Variants in KLHL29 observed in about 807,000 individuals in gnomAD.
KLHL29 encodes the protein kelch-like protein 29.
In KLHL29, 21 loss-of-function variants were observed where a neutral mutation model predicts 80.4. The ratio of observed to expected loss-of-function variants is 0.26; its 90% confidence interval spans 0.19 to 0.38. KLHL29 has a LOEUF of 0.38. KLHL29 is among the 10% of genes least tolerant of loss of function. The pLI, the probability that KLHL29 is intolerant of heterozygous loss-of-function variation, is 1.00. For synonymous variants in KLHL29, 511 were observed against 526.8 expected, an observed-to-expected ratio of 0.97 and a Z score of 0.41; for missense variants, 867 against 1,223.9, an observed-to-expected ratio of 0.71 and a Z score of 4.35.
intron 2 of KLHL29, among the ~76,000 whole-genome samples, chr2:23,555,555 C>G (rs1265374148): frequency 6.6e-6 from 1 of 152,226 alleles, no homozygotes; most frequent in Non-Finnish European, 1.5e-5. Context: ...AAGGAAGTGG[C>G]CAGTTTCCAT....
chr2:23,691,719 C>T lies in KLHL29; in HGVS notation c.1125C>T (p.Leu375=), dbSNP rs973718069. The change falls in exon 7 of 14, where the codon CTC becomes CTT. Residue 375 remains leucine, a synonymous_variant. Coordinates refer to ENST00000486442, the MANE Select transcript of KLHL29 (RefSeq NM_052920.2). ...AGGGCGGCCGGGAGAAGCTGGAGCT[C>T]GTCCTGTCGAACCTGCAGGCAGACG... The part of the protein sequence containing the change: ...SGQGGREKLE[L]VLSNLQADVL... 8.4e-6 allele frequency: 13 copies of T among 1,551,670 alleles called. No homozygotes were observed. Among genetic ancestry groups the T allele is most frequent in the Middle Eastern group, 3.3e-4 (2 of 6,012 alleles).
chr2:23,485,938 T>A (rs1261004530), intron 2 of KLHL29, among the ~76,000 whole-genome samples: 1 of 152,250 alleles, frequency 6.6e-6, no homozygotes, highest in Admixed American at 6.5e-5. Context: ...TCTAAAAGAC[T>A]AGGACCTGGC....
At chr2:23,590,774 G>A (rs1046538656) in intron 3 of KLHL29, among the ~76,000 whole-genome samples, 14 of 152,178 alleles carry the variant, frequency 9.2e-5, no homozygotes, top group African/African-American at 1.9e-4. Context: ...AGAGTGCGCC[G>A]TGAGTCAGCA....
intron 1 of KLHL29, among the ~76,000 whole-genome samples, chr2:23,445,673 G>A (rs1054305932): frequency 1.3e-5 from 2 of 152,232 alleles, no homozygotes; most frequent in African/African-American, 4.8e-5. Flanking sequence ...GTCAGATATT[G>A]CTACATTCTC....
chr2:23,424,468 C>T (rs1054758356), intron 1 of KLHL29, among the ~76,000 whole-genome samples: 1 of 152,152 alleles, frequency 6.6e-6, no homozygotes, highest in Non-Finnish European at 1.5e-5. Context: ...AAGTGGACCG[C>T]TTTGGCTATA....
In KLHL29 at chr2:23,614,772, C is replaced by T. The variant is rs771490059; in HGVS notation, c.286-24367C>T. Among the ~76,000 whole-genome samples the T allele has an allele frequency of 3.3e-5, 5 of 152,038 alleles. No homozygotes were observed. In the East Asian group the frequency reaches 7.7e-4, roughly 24 times the overall value. Reference sequence around the variant, plus strand: ...AAAGGAGGTCACTCGGGTCGCTGATCGCTGAGGGAGGAACATTGCAGGCTC... The same window carrying T: ...AAAGGAGGTCACTCGGGTCGCTGATTGCTGAGGGAGGAACATTGCAGGCTC... On this transcript the variant is annotated intron_variant, in intron 3 of 13. Transcript: ENST00000486442.
intron 2 of KLHL29, among the ~76,000 whole-genome samples, chr2:23,548,396 C>G (rs539581900): frequency 6.6e-6 from 1 of 152,030 alleles, no homozygotes; most frequent in African/African-American, 2.4e-5. Context: ...CACACATGCA[C>G]GCACCCTCTT....
intron 2 of KLHL29, among the ~76,000 whole-genome samples, chr2:23,511,510 T>C (rs1339231349): frequency 1.3e-5 from 2 of 152,174 alleles, no homozygotes; most frequent in East Asian, 3.8e-4. Flanking sequence ...GTGGTGTTTC[T>C]CACGTCTTCC....
At chr2:23,438,309 T>A (rs1203606999) in intron 1 of KLHL29, among the ~76,000 whole-genome samples, 1 of 151,560 alleles carries the variant, frequency 6.6e-6, no homozygotes, top group Non-Finnish European at 1.5e-5. Context: ...TATTTCCTTC[T>A]CCTGCCTAAT....
At chr2:23,429,961 C>G (rs1663124448) in intron 1 of KLHL29, among the ~76,000 whole-genome samples, 1 of 152,116 alleles carries the variant, frequency 6.6e-6, no homozygotes, top group African/African-American at 2.4e-5. Flanking sequence ...TGAATCTTCT[C>G]AACAGTCCTC....
intron 1 of KLHL29, among the ~76,000 whole-genome samples, chr2:23,464,398 C>T (rs1314521198): frequency 6.6e-6 from 1 of 152,208 alleles, no homozygotes; most frequent in African/African-American, 2.4e-5. Context: ...GTGGAGGAAA[C>T]ACTCCAGCTG....
chr2:23,488,521 G>A (rs1482657646), intron 2 of KLHL29, among the ~76,000 whole-genome samples: 1 of 152,250 alleles, frequency 6.6e-6, no homozygotes, highest in Non-Finnish European at 1.5e-5. Flanking sequence ...CTGTGTCTGG[G>A]GAAGGAGAGG....
rs773307089 is a variant in KLHL29 at position 23,708,009 on chromosome 2, G to A, written c.*1345G>A. 2.0e-5 allele frequency: 3 copies of A among 152,188 alleles called. No homozygotes were observed. Among genetic ancestry groups the A allele is most frequent in the East Asian group, 1.9e-4 (1 of 5,188 alleles). 9.4% of individuals were successfully genotyped at this position (152,188 alleles called of 1,614,324 possible). A position where few individuals can be genotyped will look rare whatever the true frequency, so the allele number is the denominator to read the frequency against. On this transcript the variant is annotated 3_prime_UTR_variant, in exon 14 of 14. Coordinates refer to ENST00000486442, the MANE Select transcript of KLHL29 (RefSeq NM_052920.2). ...GGCAGGAGAATGCTGCCGCCACTGC[G>A]CTGTTGAGTTGAAGTTGGTACCAAA...
chr2:23,498,700 G>A (rs1665344188), intron 2 of KLHL29, among the ~76,000 whole-genome samples: 1 of 152,234 alleles, frequency 6.6e-6, no homozygotes, highest in Non-Finnish European at 1.5e-5. Flanking sequence ...AAGTGCTGTT[G>A]AACACTTAGA....
chr2:23,466,722 G>T (rs988418496), intron 1 of KLHL29, among the ~76,000 whole-genome samples: 1 of 152,172 alleles, frequency 6.6e-6, no homozygotes, highest in African/African-American at 2.4e-5. Context: ...TCTTTTAAAT[G>T]TACATATAAA....
rs766520894 is a variant in KLHL29 at position 23,703,331 on chromosome 2, T to TA, written c.2252dup (p.Tyr751Ter). 2 of 1,542,000 alleles carry TA rather than the reference T, an allele frequency of 1.3e-6. No homozygotes were observed. Among genetic ancestry groups the TA allele is most frequent in the Non-Finnish European group, 1.7e-6 (2 of 1,143,310 alleles). ...CCGAGCTGCCGGCGTCCTCCAGTCT[T>TA]ACGTTCCTCAGACCAACACGTGGAG... ...AGRAAGVLQS[Y>*]VPQTNTWSFI... Residue 751 changes from tyrosine (Y) to a stop codon, truncating the protein, a stop_gained and frameshift_variant, in exon 12 of 14, where the codon TAC becomes TAAC. Coordinates refer to ENST00000486442, the MANE Select transcript of KLHL29 (RefSeq NM_052920.2). LOFTEE classifies it high-confidence loss of function.
At chr2:23,449,261 C>G (rs1415657454) in intron 1 of KLHL29, among the ~76,000 whole-genome samples, 1 of 152,198 alleles carries the variant, frequency 6.6e-6, no homozygotes, top group African/African-American at 2.4e-5. Flanking sequence ...TGAGCTGGCT[C>G]TGAATCCTTT....
chr2:23,581,203 A>C (rs1026728396), intron 3 of KLHL29, among the ~76,000 whole-genome samples: 1 of 152,036 alleles, frequency 6.6e-6, no homozygotes, highest in Non-Finnish European at 1.5e-5. Flanking sequence ...CACCCCTTGC[A>C]CCGTGGCATG....
rs781228421 is a variant in KLHL29, at chr2:23,642,503, C to T, written c.593C>T (p.Pro198Leu). The T allele has an allele frequency of 8.1e-5, 123 of 1,521,604 alleles. No homozygotes were observed. The highest frequency in any genetic ancestry group is 1.1e-4 in the African/African-American group (8 of 72,520). 94.3% of individuals were successfully genotyped at this position (1,521,604 alleles called of 1,614,324 possible). The change falls in exon 5 of 14, where the codon CCG becomes CTG. Residue 198 changes from proline (P) to leucine (L), a missense_variant. Transcript: ENST00000486442. ...SLPPHVGPQL[P>L]LMPGHYSLPQ... ...CCTCCCCACGTGGGGCCCCAGCTCC[C>T]GCTGATGCCAGGCCACTACTCGCTC...
Sources: gnomAD v4.1 joint callset for allele counts (sites outside exome capture counted in the v4.1 genomes callset) on GRCh38, gnomAD v4.1.1 for gene constraint, MANE v1.5 for transcripts, NCBI Gene and HGNC (gene_info 2026-07-23, HGNC 2026-07-21) for gene names.